DGKD: variants seen among roughly 807,000 people sequenced by gnomAD.
DGKD encodes the protein diacylglycerol kinase delta.
DGKD carries 68 observed loss-of-function variants against 154.4 expected under a neutral mutation model. That is an observed-to-expected ratio of 0.44 (90% CI 0.36 to 0.54). The LOEUF (loss-of-function observed/expected upper bound fraction) is 0.54, where lower values mean the gene tolerates loss of function less well. Among genes scored for constraint, DGKD ranks in the 20% least tolerant of loss-of-function variants. DGKD has a pLI of 0.00. For missense variants in DGKD, 1,343 were observed against 1,593.6 expected, an observed-to-expected ratio of 0.84 and a Z score of 2.68; for synonymous variants, 693 against 638.0, an observed-to-expected ratio of 1.09 and a Z score of -1.30.
In DGKD at chr2:233,449,470, T is replaced by C; in HGVS notation, c.1888+94T>C. 6.8e-7 allele frequency: 1 copy of C among 1,466,594 alleles called. No individual in the cohort carries two copies. The highest frequency in any genetic ancestry group is 2.1e-4 in the Middle Eastern group (1 of 4,702). 90.8% of individuals were successfully genotyped at this position (1,466,594 alleles called of 1,614,324 possible). ...CACGGAGATGACAGAAGGGTGCATG[T>C]TGAGAAAACCTCCACTGCGGCCCTC... On this transcript the variant is annotated intron_variant, in intron 15 of 29. Coordinates refer to ENST00000264057, the MANE Select transcript of DGKD (RefSeq NM_152879.3). The surrounding 1 kb of genome is among the most constrained non-coding windows in gnomAD (Gnocchi z 5.3).
At chr2:233,400,961 C>G (rs1375683464) in intron 3 of DGKD, among the ~76,000 whole-genome samples, 1 of 152,142 alleles carries the variant, frequency 6.6e-6, no homozygotes, top group Non-Finnish European at 1.5e-5. Context: ...ATCAGGGACT[C>G]TGTCTTTGAA....
chr2:233,437,427 G>A lies in DGKD; in HGVS notation c.870G>A (p.Leu290=). 6.2e-7 allele frequency: 1 copy of A among 1,614,232 alleles called. No individual in the cohort carries two copies. ...TGCTGACCAAGTGCCCACTTGGCCTGTGCAAAGTGTCAGTCATCCCACCCA... is the reference window on the plus strand; with the variant it reads ...TGCTGACCAAGTGCCCACTTGGCCTATGCAAAGTGTCAGTCATCCCACCCA... ...ESLLTKCPLG[L]CKVSVIPPTA... Residue 290 remains leucine, a synonymous_variant, in exon 8 of 30, where the codon CTG becomes CTA. Coordinates refer to ENST00000264057, the MANE Select transcript of DGKD (RefSeq NM_152879.3).
Position 233,460,318 on chromosome 2 carries a change from G to A in DGKD, c.2954G>A (p.Gly985Glu), listed in dbSNP as rs2063586798. The stretch of plus-strand genomic sequence containing the variant: ...GAGGCCACCCAGATGGACCAGTTTG[G>A]GCAGGCAGCAGGGGTCCTCATTCAC... ...EEEATQMDQF[G>E]QAAGVLIHSI... Residue 985 changes from glycine (G) to glutamate (E), a missense_variant, in exon 24 of 30, where the codon GGG (glycine) becomes GAG (glutamate). Around this residue, in one of 6 missense-constraint regions of DGKD, gnomAD observed 429 missense variants for 496.3 expected, o/e 0.86. Transcript: ENST00000264057. 6.2e-7 allele frequency: 1 copy of A among 1,614,008 alleles called. No individual in the cohort carries two copies. Among genetic ancestry groups the A allele is most frequent in the African/African-American group, 1.3e-5 (1 of 75,014 alleles).
In DGKD at chr2:233,450,948, A is replaced by G; in HGVS notation, c.2065A>G (p.Ile689Val). ...GTCGAAATCTCCGTGTGAAAAGCTG[A>G]TCAGCAAAGGGAGTCTGTCCCTAGG... ...KVSKSPCEKL[I>V]SKGSLSLGSS... Residue 689 changes from isoleucine (I) to valine (V), a missense_variant, in exon 17 of 30, where the codon ATC becomes GTC. Transcript: ENST00000264057. 1 of 1,608,152 alleles carries G rather than the reference A, an allele frequency of 6.2e-7. No homozygotes were observed. Among genetic ancestry groups the G allele is most frequent in the Non-Finnish European group, 8.5e-7 (1 of 1,174,970 alleles).
chr2:233,395,821 A>C (rs1703987027), intron 3 of DGKD, among the ~76,000 whole-genome samples: 1 of 152,076 alleles, frequency 6.6e-6, no homozygotes, highest in African/African-American at 2.4e-5. Flanking sequence ...GGCATGAGCC[A>C]CCATGCCTGG....
At chr2:233,368,355 C>CA (rs1702140816) in intron 1 of DGKD, among the ~76,000 whole-genome samples, 2 of 151,860 alleles carry the variant, frequency 1.3e-5, no homozygotes, top group East Asian at 3.9e-4. Flanking sequence ...ACTAAAAATA[C>CA]AAAAAAATTA....
intron 2 of DGKD, among the ~76,000 whole-genome samples, chr2:233,390,189 C>G (rs184369868): frequency 1.2e-3 from 183 of 152,202 alleles, no homozygotes; most frequent in African/African-American, 4.1e-3. Flanking sequence ...TTAAAAAAAT[C>G]ATGGCACTAT....
In DGKD at chr2:233,434,720, A is replaced by C. The variant is rs755598405; in HGVS notation, c.454-49A>C. ...TCTTGTCCAAGTTACTGCATTTAAC[A>C]ATTTAAAAGAGAAGTCTTATCTTTG... On this transcript the variant is annotated intron_variant, in intron 4 of 29. Transcript: ENST00000264057. 2.5e-6 allele frequency: 4 copies of C among 1,581,994 alleles called. No individual in the cohort carries two copies. In the South Asian group the frequency reaches 4.6e-5, roughly 18 times the overall value.
intron 1 of DGKD, among the ~76,000 whole-genome samples, chr2:233,379,016 G>A (rs1238709449): frequency 6.6e-6 from 1 of 152,246 alleles, no homozygotes; most frequent in Admixed American, 6.5e-5. Context: ...GGTTGGCAGT[G>A]TGAGAACCTG....
intron 3 of DGKD, among the ~76,000 whole-genome samples, chr2:233,432,466 T>C (rs946529706): frequency 2.0e-5 from 3 of 151,288 alleles, no homozygotes; most frequent in South Asian, 2.1e-4. Context: ...GTGACCATCC[T>C]GGCTAACACA....
At position 233,457,412 on chromosome 2, in the gene DGKD, G is replaced by A; in HGVS notation, c.2580+84G>A. ...CAGGGGGGTGTTCTGCTGTGGCTGG[G>A]GTGGATCCAGCTCTTCTGTTGTGCC... On this transcript the variant is annotated intron_variant, in intron 21 of 29. Coordinates refer to ENST00000264057, the MANE Select transcript of DGKD (RefSeq NM_152879.3). The surrounding 1 kb of genome is among the most constrained non-coding windows in gnomAD (Gnocchi z 5.5). 9.7e-7 allele frequency: 1 copy of A among 1,031,542 alleles called. No individual in the cohort carries two copies. The highest frequency in any genetic ancestry group is 1.5e-6 in the Non-Finnish European group (1 of 661,636). 63.9% of individuals were successfully genotyped at this position (1,031,542 alleles called of 1,614,324 possible).
rs779966904 is a variant in DGKD, at chr2:233,434,857, G to A, written c.542G>A (p.Arg181His). The change falls in exon 5 of 30, where the codon CGT becomes CAT. Residue 181 changes from arginine (R) to histidine (H), a missense_variant. Physicochemically the swap from Arg to His is conservative, Grantham distance 29. This residue lies in a region of DGKD where 332 missense variants were observed against 400.1 expected (regional missense o/e 0.83). Transcript: ENST00000264057. ...HARPTYCNVCREALSGVTSHG... is the reference protein window; with the variant it reads ...HARPTYCNVCHEALSGVTSHG... ...AGGCCGACCTACTGCAATGTGTGCCGTGAGGCTCTGTCTGGGGTCACGTCG... is the reference window on the plus strand; with the variant it reads ...AGGCCGACCTACTGCAATGTGTGCCATGAGGCTCTGTCTGGGGTCACGTCG... 8.5e-5 allele frequency: 137 copies of A among 1,614,052 alleles called. 1 individual carries two copies. In the South Asian group the frequency reaches 1.1e-3, roughly 13 times the overall value.
intron 3 of DGKD, among the ~76,000 whole-genome samples, chr2:233,430,535 G>T (rs1457437660): frequency 6.6e-6 from 1 of 152,172 alleles, no homozygotes. Context: ...TCTTAAAAAT[G>T]GAAGGAGAAA....
intron 19 of DGKD, among the ~76,000 whole-genome samples, chr2:233,455,324 G>A (rs1379378742): frequency 1.3e-5 from 2 of 152,188 alleles, no homozygotes; most frequent in Non-Finnish European, 2.9e-5. Context: ...GCAGGAAGAC[G>A]GGAGCGTGGG....
chr2:233,451,239 A>C (rs2063282875), intron 17 of DGKD, among the ~76,000 whole-genome samples, 189 bp downstream of exon 17: 1 of 146,658 alleles, frequency 6.8e-6, no homozygotes, highest in Non-Finnish European at 1.5e-5. Context: ...AAAACAAAAA[A>C]CAAAAGCCAG....
At chr2:233,454,045 G>GT (rs991739579) in intron 18 of DGKD, among the ~76,000 whole-genome samples, 3 of 152,244 alleles carry the variant, frequency 2.0e-5, no homozygotes, top group African/African-American at 7.2e-5. Context: ...CTGGTGGAGT[G>GT]TAAGATGGGC....
intron 3 of DGKD, among the ~76,000 whole-genome samples, chr2:233,429,779 T>G (rs2062446928): frequency 6.6e-6 from 1 of 152,246 alleles, no homozygotes; most frequent in Non-Finnish European, 1.5e-5. Context: ...CCGTCTCTCC[T>G]TCGCCCTCAC....
intron 2 of DGKD, chr2:233,388,737 G>A (rs1703366492): frequency 8.1e-6 from 1 of 123,410 alleles, no homozygotes; most frequent in Non-Finnish European, 1.6e-5. Context: ...GTATATTGAA[G>A]TTCTTTTTTT....
chr2:233,461,495 A>C (rs2063642630), intron 24 of DGKD, among the ~76,000 whole-genome samples: 1 of 152,204 alleles, frequency 6.6e-6, no homozygotes, highest in Admixed American at 6.5e-5. Flanking sequence ...CTGGCGCTGC[A>C]TTCTCTGCCC....
Sources: allele counts gnomAD v4.1 joint callset (sites outside exome capture counted in the v4.1 genomes callset), GRCh38; gene constraint gnomAD v4.1.1; regional missense constraint gnomAD v4.1.1; non-coding constraint Gnocchi (gnomAD v3.1); transcripts MANE v1.5; gene names NCBI Gene and HGNC (gene_info 2026-07-23, HGNC 2026-07-21).